Variants in BEND5 observed in about 807,000 individuals in gnomAD.
BEND5 encodes BEN domain containing 5.
A neutral mutation model predicts 43.9 loss-of-function variants in BEND5; 22 were observed. That is an observed-to-expected ratio of 0.50 (90% confidence interval 0.36 to 0.72). The LOEUF is 0.72. Among genes scored for constraint, BEND5 ranks in the 30% least tolerant of loss-of-function variants. The probability of loss-of-function intolerance (pLI) is 0.00; values close to 1 mark genes in which losing one functional copy is unlikely to be tolerated. For missense variants in BEND5, 428 were observed against 550.6 expected, an observed-to-expected ratio of 0.78 and a Z score of 2.23; for synonymous variants, 228 against 225.9, an observed-to-expected ratio of 1.01 and a Z score of -0.08.
intron 3 of BEND5, among the ~76,000 whole-genome samples, chr1:48,757,214 A>G (rs549900551): frequency 5.3e-5 from 8 of 152,344 alleles, no homozygotes; most frequent in African/African-American, 1.9e-4. Context: ...GGCATAGCAT[A>G]CAAAGCACAC....
At chr1:48,771,222 A>G (rs1319782850) in intron 1 of BEND5, among the ~76,000 whole-genome samples, 2 of 152,218 alleles carry the variant, frequency 1.3e-5, no homozygotes, top group African/African-American at 2.4e-5. Flanking sequence ...CTTCTGGTAG[A>G]AAGAGTACAC....
intron 3 of BEND5, among the ~76,000 whole-genome samples, chr1:48,744,481 A>G (rs1650418977): frequency 6.6e-6 from 1 of 152,196 alleles, no homozygotes; most frequent in African/African-American, 2.4e-5. Context: ...AGTCTCTTCT[A>G]GCTCTGACCT....
At chr1:48,773,581 G>T (rs1330252148) in intron 1 of BEND5, among the ~76,000 whole-genome samples, 3 of 152,150 alleles carry the variant, frequency 2.0e-5, no homozygotes, top group Non-Finnish European at 4.4e-5. Context: ...TTATACTCTG[G>T]CTTGAAAACT....
At chr1:48,747,242 A>AT (rs1218643090) in intron 3 of BEND5, among the ~76,000 whole-genome samples, 2 of 151,888 alleles carry the variant, frequency 1.3e-5, no homozygotes, top group South Asian at 2.1e-4. Context: ...AAGAGTAGGA[A>AT]TTTTTTTTTA....
intron 3 of BEND5, among the ~76,000 whole-genome samples, chr1:48,747,626 C>T (rs1177952622): frequency 6.6e-6 from 1 of 152,216 alleles, no homozygotes; most frequent in Non-Finnish European, 1.5e-5. Context: ...CTGTTATTTA[C>T]TTTACCTCTT....
At chr1:48,767,062 C>T (rs1388778045) in intron 1 of BEND5, among the ~76,000 whole-genome samples, 2 of 152,192 alleles carry the variant, frequency 1.3e-5, no homozygotes, top group African/African-American at 2.4e-5. Context: ...TAGAAGATTA[C>T]TGAACATTCA....
chr1:48,738,226 G>T (rs1335334027), intron 4 of BEND5, among the ~76,000 whole-genome samples: 1 of 152,180 alleles, frequency 6.6e-6, no homozygotes, highest in Admixed American at 6.5e-5. Context: ...GCCCACCCAT[G>T]AATGTAAGTC....
rs754386085 is a variant in BEND5, at chr1:48,759,139, T to A, written c.506A>T (p.Asp169Val). 6.8e-6 allele frequency: 11 copies of A among 1,613,916 alleles called. No individual in the cohort carries two copies. The highest frequency in any genetic ancestry group is 8.5e-6 in the Non-Finnish European group (10 of 1,179,964). Residue 169 changes from aspartate to valine, a missense_variant, in exon 3 of 6, where the codon GAC becomes GTC. This residue lies in a region of BEND5 where 243 missense variants were observed against 286.4 expected (regional missense o/e 0.85). Coordinates refer to ENST00000371833, the MANE Select transcript of BEND5 (RefSeq NM_024603.4). ...CACAGCATCTTCTAGACTGTCCATG[T>A]CCTCTGTGCCTGGCGAGGCCTCCAC... is the stretch of plus-strand genomic sequence containing the variant. ...VFVEASPGTE[D>V]MDSLEDAVVP...
intron 3 of BEND5, among the ~76,000 whole-genome samples, chr1:48,753,781 G>A (rs1652107779): frequency 6.6e-6 from 1 of 152,166 alleles, no homozygotes; most frequent in Non-Finnish European, 1.5e-5. Context: ...AAATGTCAAG[G>A]TGCTTTAAAA....
At chr1:48,742,503 A>T in intron 4 of BEND5, 120 bp downstream of exon 4, 1 of 1,043,394 alleles carries the variant, frequency 9.6e-7, no homozygotes, top group African/African-American at 1.6e-5. Flanking sequence ...ACAGTCATTC[A>T]GGGCTAGGCC....
At chr1:48,745,883 A>G (rs1380804534) in intron 3 of BEND5, among the ~76,000 whole-genome samples, 1 of 151,988 alleles carries the variant, frequency 6.6e-6, no homozygotes, top group African/African-American at 2.4e-5. Context: ...CTACCATAAT[A>G]ATCAGATGTA....
chr1:48,755,644 TTAG>T (rs1400246143), intron 3 of BEND5, among the ~76,000 whole-genome samples: 1 of 152,194 alleles, frequency 6.6e-6, no homozygotes, highest in East Asian at 1.9e-4. Context: ...CTCTGCCTTC[TTAG>T]TGGTGTTTAT....
chr1:48,730,032 T>C (rs1240324952), intron 5 of BEND5, among the ~76,000 whole-genome samples: 1 of 152,220 alleles, frequency 6.6e-6, no homozygotes, highest in Non-Finnish European at 1.5e-5. Flanking sequence ...GCCTAAGCTC[T>C]ACTCATTCTT....
chr1:48,728,307 GCA>G (rs1459357394), intron 5 of BEND5, among the ~76,000 whole-genome samples: 2 of 151,744 alleles, frequency 1.3e-5, no homozygotes, highest in East Asian at 3.9e-4. Flanking sequence ...TTCCTCCCAA[GCA>G]CCTGCAGGCC....
Position 48,759,126 on chromosome 1 carries a change from T to C in BEND5, c.519A>G (p.Leu173=), listed in dbSNP as rs756520704. Residue 173 remains leucine, a synonymous_variant, in exon 3 of 6, where the codon CTA becomes CTG. Transcript: ENST00000371833. ...ASPGTEDMDS[L]EDAVVPRALY... ...GAGCCCGGGGCACCACAGCATCTTCTAGACTGTCCATGTCCTCTGTGCCTG... is the reference window on the plus strand; with the variant it reads ...GAGCCCGGGGCACCACAGCATCTTCCAGACTGTCCATGTCCTCTGTGCCTG... 1 of 1,613,746 alleles carries C rather than the reference T, an allele frequency of 6.2e-7. No homozygotes were observed. The highest frequency in any genetic ancestry group is 8.5e-7 in the Non-Finnish European group (1 of 1,179,856).
intron 1 of BEND5, among the ~76,000 whole-genome samples, chr1:48,762,867 C>T (rs1371946753): frequency 6.6e-6 from 1 of 151,930 alleles, no homozygotes; most frequent in East Asian, 1.9e-4. Flanking sequence ...AAGTGTGAAC[C>T]TCAGCTTTTC....
intron 1 of BEND5, among the ~76,000 whole-genome samples, chr1:48,776,065 A>T (rs1023997136): frequency 1.3e-5 from 2 of 152,206 alleles, no homozygotes; most frequent in Non-Finnish European, 1.5e-5. Flanking sequence ...CCCGGATGGG[A>T]CAAGGATGTC....
intron 3 of BEND5, among the ~76,000 whole-genome samples, chr1:48,753,980 T>C (rs1301293906): frequency 6.6e-6 from 1 of 152,190 alleles, no homozygotes; most frequent in East Asian, 1.9e-4. Context: ...GCGTACATAT[T>C]TGTGTTCCCT....
At chr1:48,756,606 G>A (rs1266935845) in intron 3 of BEND5, among the ~76,000 whole-genome samples, 1 of 152,210 alleles carries the variant, frequency 6.6e-6, no homozygotes, top group African/African-American at 2.4e-5. Context: ...TGGGAAGTAG[G>A]GAAGTTGGGA....
Sources: gnomAD v4.1 joint callset for allele counts (sites outside exome capture counted in the v4.1 genomes callset) on GRCh38, gnomAD v4.1.1 for gene constraint, gnomAD v4.1.1 regional missense constraint, MANE v1.5 for transcripts, NCBI Gene and HGNC (gene_info 2026-07-23, HGNC 2026-07-21) for gene names.